The following ZNF430 variants were observed in gnomAD, a reference collection of about 807,000 sequenced individuals.
The protein encoded by ZNF430 is zinc finger protein 430.
In ZNF430, 35 loss-of-function variants were observed where a neutral mutation model predicts 56.7. That is an observed-to-expected ratio of 0.62 (90% CI 0.47 to 0.82). The LOEUF is 0.82. Ranked by LOEUF, ZNF430 falls within the 40% of genes least tolerant of loss-of-function variation. The pLI, the probability that ZNF430 is intolerant of heterozygous loss-of-function variation, is 0.00. For synonymous variants in ZNF430, 212 were observed against 224.3 expected (o/e 0.94, Z 0.49); for missense variants, 574 against 661.0 (o/e 0.87, Z 1.44).
At chr19:21,030,717 G>A (rs137882164) in intron 2 of ZNF430, among the ~76,000 whole-genome samples, 15 of 152,100 alleles carry the variant, frequency 9.9e-5, no homozygotes, top group African/African-American at 3.4e-4. Context: ...CATCAGCATT[G>A]ACAGGGAACT....
Position 21,020,664 on chromosome 19 carries a change from G to A in ZNF430, c.-137G>A. ...GGGTTTGGCGGGGCCTTTGTCCCTCGCTGTGGCCTGAGCTCCAGGTCTCGT... is the reference window on the plus strand; with the variant it reads ...GGGTTTGGCGGGGCCTTTGTCCCTCACTGTGGCCTGAGCTCCAGGTCTCGT... On this transcript the variant is annotated 5_prime_UTR_variant, in exon 1 of 5. Coordinates refer to ENST00000261560, the MANE Select transcript of ZNF430 (RefSeq NM_025189.4). 3.0e-6 allele frequency: 4 copies of A among 1,325,240 alleles called. No individual in the cohort carries two copies. The highest frequency in any genetic ancestry group is 3.2e-6 in the Non-Finnish European group (3 of 935,538). The allele number at this position is 1,325,240 out of a possible 1,614,324, so 82.1% of individuals were successfully genotyped here.
chr19:21,033,500 G>A lies in ZNF430; in HGVS notation c.141G>A (p.Glu47=). ...FRDVAIEFSL[E]EWQCLDTAQQ... The stretch of plus-strand genomic sequence containing the variant: ...ATGTGGCCATAGAATTTTCTCTGGA[G>A]GAGTGGCAATGCCTGGACACTGCTC... Residue 47 remains glutamate (E), a synonymous_variant, in exon 3 of 5, where the codon GAG becomes GAA. Transcript: ENST00000261560. 2 of 1,611,958 alleles carry A rather than the reference G, an allele frequency of 1.2e-6. No individual in the cohort carries two copies. Among genetic ancestry groups the A allele is most frequent in the African/African-American group, 1.3e-5 (1 of 74,952 alleles).
intron 3 of ZNF430, 73 bp from the exon 4 acceptor site, chr19:21,034,013 C>G: frequency 8.9e-7 from 1 of 1,120,488 alleles, no homozygotes; most frequent in Non-Finnish European, 1.3e-6. Context: ...ACCACATCCT[C>G]TTTACTAAGC....
chr19:21,044,520 C>T (rs1260290652), intron 4 of ZNF430, among the ~76,000 whole-genome samples: 1 of 152,158 alleles, frequency 6.6e-6, no homozygotes, highest in African/African-American at 2.4e-5. Flanking sequence ...CAATGTTTAT[C>T]AGGGATATTG....
intron 4 of ZNF430, among the ~76,000 whole-genome samples, chr19:21,051,125 AC>A (rs1350389276): frequency 2.6e-5 from 4 of 152,214 alleles, no homozygotes; most frequent in Non-Finnish European, 5.9e-5. Context: ...AAATCTCAAT[AC>A]ACATTAAACA....
At chr19:21,021,380 T>A (rs1264468514) in intron 1 of ZNF430, among the ~76,000 whole-genome samples, 4 of 151,978 alleles carry the variant, frequency 2.6e-5, no homozygotes, top group Non-Finnish European at 4.4e-5. Context: ...ACGCCTGTAG[T>A]CCCAGCTACT....
chr19:21,030,873 T>TTTTG (rs1288174189), intron 2 of ZNF430, among the ~76,000 whole-genome samples: 5 of 151,916 alleles, frequency 3.3e-5, no homozygotes, highest in Non-Finnish European at 5.9e-5. Flanking sequence ...CGTCTTGTTT[T>TTTTG]TTTTGTTTTG....
At chr19:21,033,998 A>G (rs1050323422) in intron 3 of ZNF430, 88 bp from the exon 4 acceptor site, 7 of 941,694 alleles carry the variant, frequency 7.4e-6, no homozygotes, top group Non-Finnish European at 1.1e-5. Context: ...TTTCTAGAAT[A>G]TTCTACCACA....
chr19:21,026,827 CTTTTTT>C (rs747809260), intron 2 of ZNF430, among the ~76,000 whole-genome samples: 28 of 68,730 alleles, frequency 4.1e-4, no homozygotes, highest in Non-Finnish European at 5.3e-4. Context: ...CTTTTCTTTT[CTTTTTT>C]TTTTTTTTTT....
Position 21,037,502 on chromosome 19 carries a change from G to C in ZNF430, c.322+3318G>C, listed in dbSNP as rs191986426. Among the ~76,000 whole-genome samples, 84 of 152,246 alleles carry C rather than the reference G, an allele frequency of 5.5e-4. 1 individual carries two copies. Among genetic ancestry groups the C allele is most frequent in the African/African-American group, 1.6e-3 (65 of 41,532 alleles). On this transcript the variant is annotated intron_variant, in intron 4 of 4. Transcript: ENST00000261560. ...TGCTTATAAATCAAGAGACACCTGG[G>C]TTGCTGCAGCCTTTTAGCTTTTGTG...
intron 4 of ZNF430, among the ~76,000 whole-genome samples, chr19:21,050,911 C>T (rs975141076): frequency 5.3e-5 from 8 of 152,034 alleles, no homozygotes; most frequent in Non-Finnish European, 1.2e-4. Context: ...GCCTGTAGTC[C>T]TAGCTACTCG....
intron 2 of ZNF430, 32 bp downstream of exon 2, chr19:21,022,913 C>T (rs776335745): frequency 3.6e-5 from 53 of 1,470,742 alleles, no homozygotes; most frequent in Admixed American, 8.4e-5. Flanking sequence ...ATTGTCTTCA[C>T]CCAACCCAGC....
At chr19:21,056,503 T>A (rs1341978493) in intron 4 of ZNF430, 128 bp from the exon 5 acceptor site, 30 of 612,276 alleles carry the variant, frequency 4.9e-5, no homozygotes, top group African/African-American at 5.8e-5. Flanking sequence ...AAAAAAAAAA[T>A]TAGGGCCTTT....
intron 4 of ZNF430, among the ~76,000 whole-genome samples, chr19:21,051,634 C>T (rs1443851356): frequency 6.6e-5 from 10 of 152,160 alleles, no homozygotes; most frequent in Admixed American, 5.9e-4. Flanking sequence ...GCTGGGACTA[C>T]AGGCTCGTAC....
At chr19:21,055,058 T>G (rs1179634006) in intron 4 of ZNF430, among the ~76,000 whole-genome samples, 1 of 152,110 alleles carries the variant, frequency 6.6e-6, no homozygotes, top group Non-Finnish European at 1.5e-5. Flanking sequence ...ATTTTACATA[T>G]TTTTGTTCTT....
chr19:21,022,415 A>T (rs376060751), intron 1 of ZNF430, among the ~76,000 whole-genome samples: 24 of 152,240 alleles, frequency 1.6e-4, no homozygotes, highest in South Asian at 4.1e-4. Context: ...TTTAGTGTAC[A>T]TTTTTTACAC....
intron 4 of ZNF430, chr19:21,053,652 T>TG (rs1968320811): frequency 6.6e-6 from 1 of 152,176 alleles, no homozygotes; most frequent in African/African-American, 2.4e-5. Context: ...TCTTGGCCTC[T>TG]GAAAGTGCTG....
At chr19:21,049,296 G>C (rs936013594) in intron 4 of ZNF430, among the ~76,000 whole-genome samples, 9 of 149,554 alleles carry the variant, frequency 6.0e-5, no homozygotes, top group African/African-American at 2.2e-4. Flanking sequence ...ATTATATTAT[G>C]TATCTATTAA....
intron 3 of ZNF430, 104 bp downstream of exon 3, chr19:21,033,686 CT>C (rs1967943272): frequency 7.8e-7 from 1 of 1,284,966 alleles, no homozygotes; most frequent in African/African-American, 1.5e-5. Context: ...AAATGAGTTT[CT>C]GATACTTGTT....
Sources: gnomAD v4.1 joint callset for allele counts (sites outside exome capture counted in the v4.1 genomes callset) on GRCh38, gnomAD v4.1.1 for gene constraint, MANE v1.5 for transcripts, NCBI Gene and HGNC (gene_info 2026-07-23, HGNC 2026-07-21) for gene names.